UNC5D: variants seen among roughly 807,000 people sequenced by gnomAD.
UNC5D encodes netrin receptor UNC5D.
Under a neutral mutation model 105.4 loss-of-function variants are expected in UNC5D, and 39 were observed. That is an observed-to-expected ratio of 0.37 (90% confidence interval 0.29 to 0.48). UNC5D has a LOEUF of 0.48. UNC5D is among the 20% of genes least tolerant of loss of function. The probability of loss-of-function intolerance (pLI) is 0.98; values close to 1 mark genes in which losing one functional copy is unlikely to be tolerated. For missense variants in UNC5D, 991 were observed against 1,202.4 expected (o/e 0.82, Z 2.60); for synonymous variants, 452 against 450.4 (o/e 1.00, Z -0.04).
At chr8:35,533,003 T>C (rs1814511429) in intron 1 of UNC5D, among the ~76,000 whole-genome samples, 1 of 146,380 alleles carries the variant, frequency 6.8e-6, no homozygotes, top group Admixed American at 6.8e-5. Context: ...TGTCCTCCCG[T>C]AGCTCAGAGT....
chr8:35,641,884 T>C (rs1822772788), intron 4 of UNC5D, among the ~76,000 whole-genome samples: 1 of 152,152 alleles, frequency 6.6e-6, no homozygotes, highest in Non-Finnish European at 1.5e-5. Context: ...CTGGCACAAT[T>C]ATAGCTCCTT....
At chr8:35,755,187 CCAAA>C (rs1341544763) in intron 13 of UNC5D, among the ~76,000 whole-genome samples, 1 of 152,020 alleles carries the variant, frequency 6.6e-6, no homozygotes, top group Admixed American at 6.6e-5. Context: ...CATGCACAGC[CCAAA>C]CAAACCTTGA....
At chr8:35,301,849 A>G (rs114232085) in intron 1 of UNC5D, among the ~76,000 whole-genome samples, 84 of 152,300 alleles carry the variant, frequency 5.5e-4, no homozygotes, top group African/African-American at 1.9e-3. Context: ...TAAAAATGTA[A>G]AAAGAATGAA....
chr8:35,557,381 G>A (rs774360737), intron 2 of UNC5D, among the ~76,000 whole-genome samples: 12 of 152,144 alleles, frequency 7.9e-5, no homozygotes, highest in South Asian at 2.1e-4. Flanking sequence ...TAGGCATGGC[G>A]CACATGCACA....
rs1809892747 is a variant in UNC5D, at chr8:35,473,668, G to C, written c.104-75624G>C. Reference sequence around the variant, plus strand: ...GGCAGAAGGTTGAAACCACCAGGATGATTACATTATTATATTCCATTTGTT... The same window carrying C: ...GGCAGAAGGTTGAAACCACCAGGATCATTACATTATTATATTCCATTTGTT... On this transcript the variant is annotated intron_variant, in intron 1 of 16. Coordinates refer to ENST00000404895, the MANE Select transcript of UNC5D (RefSeq NM_080872.4). Among the ~76,000 whole-genome samples the C allele has an allele frequency of 2.0e-5, 3 of 152,128 alleles. No individual in the cohort carries two copies. The South Asian group carries it at 6.2e-4, about 32-fold the overall frequency.
At chr8:35,588,985 G>A (rs888631593) in intron 3 of UNC5D, among the ~76,000 whole-genome samples, 15 of 152,124 alleles carry the variant, frequency 9.9e-5, no homozygotes, top group South Asian at 8.3e-4. Flanking sequence ...AGAGGTTGCA[G>A]TGAGCTGAGA....
chr8:35,354,255 C>A (rs902537010), intron 1 of UNC5D, among the ~76,000 whole-genome samples: 1 of 151,826 alleles, frequency 6.6e-6, no homozygotes, highest in Non-Finnish European at 1.5e-5. Context: ...CATGTTTATT[C>A]TCTTTTCTTT....
chr8:35,690,449 C>A (rs987711811), intron 7 of UNC5D, among the ~76,000 whole-genome samples: 16 of 151,966 alleles, frequency 1.1e-4, no homozygotes, highest in South Asian at 4.2e-4. Context: ...GGCAACATAG[C>A]AAGACCCTGT....
intron 1 of UNC5D, among the ~76,000 whole-genome samples, chr8:35,285,876 G>A (rs946300345): frequency 6.6e-6 from 1 of 152,142 alleles, no homozygotes; most frequent in Non-Finnish European, 1.5e-5. Context: ...GTCGAGTGAG[G>A]TGAAAGTCCT....
chr8:35,537,509 G>A (rs962397305), intron 1 of UNC5D, among the ~76,000 whole-genome samples: 1 of 151,954 alleles, frequency 6.6e-6, no homozygotes, highest in South Asian at 2.1e-4. Context: ...GAGAAAACAT[G>A]TCTCCATAAA....
At chr8:35,633,543 T>A (rs1254592154) in intron 4 of UNC5D, among the ~76,000 whole-genome samples, 2 of 151,980 alleles carry the variant, frequency 1.3e-5, no homozygotes, top group Non-Finnish European at 2.9e-5. Flanking sequence ...AGACCAGGAA[T>A]TCAAGACCAA....
intron 1 of UNC5D, among the ~76,000 whole-genome samples, chr8:35,546,832 C>T (rs892549420): frequency 2.6e-5 from 4 of 152,096 alleles, no homozygotes; most frequent in Non-Finnish European, 5.9e-5. Context: ...GATTCCACCC[C>T]GAAACCCCTC....
chr8:35,295,377 A>T (rs1807405590), intron 1 of UNC5D, among the ~76,000 whole-genome samples: 1 of 152,174 alleles, frequency 6.6e-6, no homozygotes, highest in South Asian at 2.1e-4. Flanking sequence ...TTCATCTGCA[A>T]GTTTTTTTCA....
At chr8:35,503,034 G>A (rs925886304) in intron 1 of UNC5D, among the ~76,000 whole-genome samples, 2 of 152,142 alleles carry the variant, frequency 1.3e-5, no homozygotes, top group African/African-American at 4.8e-5. Flanking sequence ...ATCAGTTGTA[G>A]AAGTACAAAT....
chr8:35,484,816 T>C (rs975371857), intron 1 of UNC5D, among the ~76,000 whole-genome samples: 2 of 152,180 alleles, frequency 1.3e-5, no homozygotes, highest in Non-Finnish European at 2.9e-5. Context: ...AGAATAACCC[T>C]TTGGAGATGG....
chr8:35,679,017 C>T (rs917213210), intron 4 of UNC5D, among the ~76,000 whole-genome samples: 2 of 151,950 alleles, frequency 1.3e-5, no homozygotes, highest in Non-Finnish European at 2.9e-5. Flanking sequence ...CTTTAAGAGG[C>T]CAAGGTGGAT....
intron 4 of UNC5D, among the ~76,000 whole-genome samples, chr8:35,653,898 G>T (rs980110859): frequency 6.6e-6 from 1 of 151,872 alleles, no homozygotes; most frequent in African/African-American, 2.4e-5. Flanking sequence ...ATACTTTGTT[G>T]TCTCTGCACA....
At chr8:35,537,743 A>T (rs1253451943) in intron 1 of UNC5D, among the ~76,000 whole-genome samples, 1 of 150,414 alleles carries the variant, frequency 6.6e-6, no homozygotes, top group African/African-American at 2.4e-5. Context: ...ATTTATACAT[A>T]TAATTAAATA....
intron 1 of UNC5D, among the ~76,000 whole-genome samples, chr8:35,425,390 C>T (rs1393978965): frequency 6.6e-6 from 1 of 152,104 alleles, no homozygotes; most frequent in Non-Finnish European, 1.5e-5. Context: ...CTTAGCTATC[C>T]TTTCAGCTCC....
Sources: allele counts gnomAD v4.1 joint callset (sites outside exome capture counted in the v4.1 genomes callset), GRCh38; gene constraint gnomAD v4.1.1; transcripts MANE v1.5; gene names NCBI Gene and HGNC (gene_info 2026-07-23, HGNC 2026-07-21).